The following RNF130 variants were observed in gnomAD, a reference collection of about 807,000 sequenced individuals.
RNF130 encodes the protein E3 ubiquitin-protein ligase RNF130.
A neutral mutation model predicts 44.6 loss-of-function variants in RNF130; 21 were observed. That is an observed-to-expected ratio of 0.47 (90% CI 0.33 to 0.68). RNF130 has a LOEUF of 0.68. Ranked by LOEUF, RNF130 falls within the 30% of genes least tolerant of loss-of-function variation. The pLI is 0.02. For missense variants in RNF130, 479 were observed against 560.6 expected, an observed-to-expected ratio of 0.85 and a Z score of 1.47; for synonymous variants, 214 against 210.4, an observed-to-expected ratio of 1.02 and a Z score of -0.15.
At chr5:179,933,442 A>G (rs1361064235) in intron 7 of RNF130, among the ~76,000 whole-genome samples, 3 of 37,018 alleles carry the variant, frequency 8.1e-5, no homozygotes, top group Non-Finnish European at 1.7e-4. Flanking sequence ...TAAAAAGCAT[A>G]TAAAATTTGC....
At chr5:179,943,264 G>C (rs1036779893) in intron 7 of RNF130, among the ~76,000 whole-genome samples, 1 of 152,172 alleles carries the variant, frequency 6.6e-6, no homozygotes, top group Non-Finnish European at 1.5e-5. Context: ...CTGGTTTTAT[G>C]ACTGTGTGGG....
At chr5:179,975,943 C>T (rs919422887) in intron 5 of RNF130, among the ~76,000 whole-genome samples, 1 of 152,134 alleles carries the variant, frequency 6.6e-6, no homozygotes, top group African/African-American at 2.4e-5. Context: ...ATAATTAAAG[C>T]GCATATGCCC....
chr5:179,942,021 T>C (rs1019947215), intron 7 of RNF130, among the ~76,000 whole-genome samples: 2 of 152,128 alleles, frequency 1.3e-5, no homozygotes, highest in South Asian at 2.1e-4. Context: ...AAACTCCCCA[T>C]GGGCACAACT....
At chr5:179,954,756 T>G (rs937274549), downstream of RNF130, among the ~76,000 whole-genome samples, 2 of 152,226 alleles carry the variant, frequency 1.3e-5, no homozygotes, top group African/African-American at 4.8e-5. Flanking sequence ...CCCTGCTGAT[T>G]TGAGCATGAC....
intron 6 of RNF130, among the ~76,000 whole-genome samples, chr5:179,969,076 T>C (rs2113706293): frequency 6.6e-6 from 1 of 152,308 alleles, no homozygotes; most frequent in Non-Finnish European, 1.5e-5. Flanking sequence ...CTAAAATGAG[T>C]TCATCTGTTG....
intron 7 of RNF130, among the ~76,000 whole-genome samples, chr5:179,935,845 T>C (rs1761884632): frequency 6.6e-6 from 1 of 152,168 alleles, no homozygotes. Context: ...CTAATATAAA[T>C]GAGTACTTTG....
intron 3 of RNF130, among the ~76,000 whole-genome samples, chr5:180,010,606 T>C (rs902128550): frequency 1.2e-4 from 19 of 152,154 alleles, no homozygotes; most frequent in African/African-American, 4.6e-4. Context: ...GTGATCCACC[T>C]GCCTTGGCTT....
At chr5:179,982,434 T>A (rs75808567) in intron 3 of RNF130, among the ~76,000 whole-genome samples, 1 of 152,108 alleles carries the variant, frequency 6.6e-6, no homozygotes, top group South Asian at 2.1e-4. Flanking sequence ...CACCTGATAG[T>A]TGTCTGACTT....
At chr5:179,950,499 T>C (rs1233757221), downstream of RNF130, among the ~76,000 whole-genome samples, 1 of 152,188 alleles carries the variant, frequency 6.6e-6, no homozygotes, top group East Asian at 1.9e-4. Context: ...CATGCACATG[T>C]GCACACAAAA....
chr5:180,060,839 G>A (rs1344717122), intron 1 of RNF130, among the ~76,000 whole-genome samples: 2 of 152,144 alleles, frequency 1.3e-5, no homozygotes, highest in Non-Finnish European at 2.9e-5. Flanking sequence ...GGAGGCCGAG[G>A]TGGGCGGATC....
chr5:180,014,937 G>A (rs1763683209), intron 2 of RNF130, among the ~76,000 whole-genome samples: 1 of 152,124 alleles, frequency 6.6e-6, no homozygotes, highest in Non-Finnish European at 1.5e-5. Context: ...AGTGAGCTGA[G>A]ATCACGCCAC....
chr5:180,051,943 A>G (rs1424592192), intron 1 of RNF130, among the ~76,000 whole-genome samples: 1 of 152,232 alleles, frequency 6.6e-6, no homozygotes, highest in Non-Finnish European at 1.5e-5. Context: ...CCTCATACAA[A>G]GTTGGTGTCA....
chr5:179,933,398 T>TTGTGTGTGTGTGTGTGTG (rs71001060), intron 7 of RNF130, among the ~76,000 whole-genome samples: 3,944 of 143,450 alleles, frequency 0.027, 118 homozygotes, highest in Middle Eastern at 0.059. Flanking sequence ...ATAACCCTAT[T>TTGTGTGTGTGTGTGTGTG]TGTGTGTGTG....
At chr5:180,054,266 G>C (rs1764754226) in intron 1 of RNF130, among the ~76,000 whole-genome samples, 1 of 151,882 alleles carries the variant, frequency 6.6e-6, no homozygotes, top group African/African-American at 2.4e-5. Context: ...AGCTTTCTTT[G>C]TCCTAGGATT....
At chr5:180,013,500 G>A (rs1307090494) in intron 2 of RNF130, among the ~76,000 whole-genome samples, 189 bp from the exon 3 acceptor site, 1 of 152,208 alleles carries the variant, frequency 6.6e-6, no homozygotes, top group Non-Finnish European at 1.5e-5. Flanking sequence ...GTAATTTGTT[G>A]TGTGGTACTT....
chr5:179,995,756 G>A (rs1763185437), intron 3 of RNF130, among the ~76,000 whole-genome samples: 3 of 152,216 alleles, frequency 2.0e-5, no homozygotes, highest in African/African-American at 7.2e-5. Flanking sequence ...CCCATCTCCT[G>A]TATTGGGGAT....
At chr5:180,028,770 G>A (rs1286748470) in intron 2 of RNF130, among the ~76,000 whole-genome samples, 2 of 152,088 alleles carry the variant, frequency 1.3e-5, no homozygotes, top group African/African-American at 2.4e-5. Flanking sequence ...ATCGATACCT[G>A]TTGATTAACT....
rs879042935 is a variant in RNF130, at chr5:180,015,501, AG to A, written c.443-2191del. 3.7e-4 allele frequency: 97 copies of A among 263,956 alleles called. 2 individuals are homozygous for A. The highest frequency in any genetic ancestry group is 1.6e-3 in the South Asian group (45 of 28,944). The allele number at this position is 263,956 out of a possible 1,614,324, so 16.4% of individuals were successfully genotyped here. A position where few individuals can be genotyped will look rare whatever the true frequency, so the allele number is the denominator to read the frequency against. On this transcript the variant is annotated intron_variant, in intron 2 of 8. Coordinates refer to ENST00000521389, the MANE Select transcript of RNF130 (RefSeq NM_018434.6). ...GTAGGGAAAGGAGTAGGAAAGGAGT[AG>A]GGAAAGGAGTAGGAAAGGAGTAGGG...
At chr5:179,920,120 C>T (rs1196207129) in exon 8 of RNF130, 1 of 515,798 alleles carries the variant, frequency 1.9e-6, no homozygotes, top group Non-Finnish European at 3.5e-6. Flanking sequence ...TACCACAAGG[C>T]TCACCTGGGC....
Sources: gnomAD v4.1 joint callset for allele counts (sites outside exome capture counted in the v4.1 genomes callset) on GRCh38, gnomAD v4.1.1 for gene constraint, MANE v1.5 for transcripts, NCBI Gene and HGNC (gene_info 2026-07-23, HGNC 2026-07-21) for gene names.